SPAG16: variants seen among roughly 807,000 people sequenced by gnomAD.
SPAG16 encodes sperm associated antigen 16.
A neutral mutation model predicts 80.4 loss-of-function variants in SPAG16; 86 were observed. That is an observed-to-expected ratio of 1.07 (90% CI 0.90 to 1.28). SPAG16 has a LOEUF of 1.28. SPAG16 is among the 50% of genes most tolerant of loss of function. The pLI is 0.00. For missense variants in SPAG16, 870 were observed against 765.3 expected, an observed-to-expected ratio of 1.14 and a Z score of -1.61; for synonymous variants, 294 against 265.9, an observed-to-expected ratio of 1.11 and a Z score of -1.03.
Position 213,404,842 on chromosome 2 carries a change from A to AT in SPAG16, c.942+29723_942+29724insT, listed in dbSNP as rs1478195664. Reference sequence around the variant, plus strand: ...CTAAAGGTCATATTTGATTCTTTAAAATTTTTTTTTAATTATTGGTAGCTC... The same window carrying AT: ...CTAAAGGTCATATTTGATTCTTTAAATATTTTTTTTTAATTATTGGTAGCTC... On this transcript the variant is annotated intron_variant, in intron 9 of 15. Coordinates refer to ENST00000331683, the MANE Select transcript of SPAG16 (RefSeq NM_024532.5). Among the ~76,000 whole-genome samples, 246 of 149,200 alleles carry AT rather than the reference A, an allele frequency of 1.6e-3. 1 individual carries two copies. The highest frequency in any genetic ancestry group is 6.2e-3 in the African/African-American group (239 of 38,576).
intron 14 of SPAG16, among the ~76,000 whole-genome samples, chr2:214,136,758 G>A (rs1326227723): frequency 6.6e-6 from 1 of 152,116 alleles, no homozygotes; most frequent in Non-Finnish European, 1.5e-5. Context: ...AGAGTATTGA[G>A]GAAATGGTGT....
intron 9 of SPAG16, chr2:213,375,355 C>T: frequency 3.0e-6 from 1 of 333,932 alleles, no homozygotes; most frequent in Middle Eastern, 8.2e-4. Context: ...TGCCACCTAT[C>T]CCAACATAAT....
chr2:213,488,959 C>G (rs546113272), intron 9 of SPAG16, among the ~76,000 whole-genome samples: 2 of 151,482 alleles, frequency 1.3e-5, no homozygotes, highest in African/African-American at 4.8e-5. Flanking sequence ...CCTGTAGTCC[C>G]AGCTACGCAG....
At chr2:213,743,379 TAA>T (rs2067673096) in intron 10 of SPAG16, among the ~76,000 whole-genome samples, 1 of 152,218 alleles carries the variant, frequency 6.6e-6, no homozygotes, top group South Asian at 2.1e-4. Flanking sequence ...AATTTATTCT[TAA>T]GTGTCTTACA....
intron 13 of SPAG16, among the ~76,000 whole-genome samples, chr2:214,019,093 T>C (rs1405404040): frequency 6.6e-6 from 1 of 152,128 alleles, no homozygotes; most frequent in Non-Finnish European, 1.5e-5. Context: ...TTTATTAAAA[T>C]TGAAAGATAA....
chr2:213,735,200 A>C (rs1231773058), intron 10 of SPAG16, among the ~76,000 whole-genome samples: 1 of 152,190 alleles, frequency 6.6e-6, no homozygotes, highest in Non-Finnish European at 1.5e-5. Flanking sequence ...TCACCAAACT[A>C]AATATGTAGG....
intron 9 of SPAG16, among the ~76,000 whole-genome samples, chr2:213,427,475 C>T (rs1282768399): frequency 6.6e-6 from 1 of 152,048 alleles, no homozygotes; most frequent in Non-Finnish European, 1.5e-5. Context: ...ATTTGATACA[C>T]CTTGCCTGTA....
At chr2:213,791,635 T>G (rs1300781871) in intron 10 of SPAG16, among the ~76,000 whole-genome samples, 1 of 152,120 alleles carries the variant, frequency 6.6e-6, no homozygotes, top group African/African-American at 2.4e-5. Context: ...ATCCTAAACA[T>G]GAAAAATATT....
At chr2:213,772,524 C>T (rs2069312978) in intron 10 of SPAG16, among the ~76,000 whole-genome samples, 1 of 152,022 alleles carries the variant, frequency 6.6e-6, no homozygotes, top group Non-Finnish European at 1.5e-5. Context: ...TAGGTTCTTC[C>T]TCATTGAATT....
chr2:213,519,306 G>T (rs533097893), intron 10 of SPAG16, among the ~76,000 whole-genome samples: 75 of 152,194 alleles, frequency 4.9e-4, no homozygotes, highest in Non-Finnish European at 7.9e-4. Context: ...ATATGATTTG[G>T]CTTGGTGTCC....
At chr2:213,957,400 A>G (rs1008876717) in intron 12 of SPAG16, among the ~76,000 whole-genome samples, 4 of 151,656 alleles carry the variant, frequency 2.6e-5, no homozygotes, top group Non-Finnish European at 4.4e-5. Context: ...TTTTAAAATT[A>G]ATGTATATTT....
At chr2:213,288,678 GAGTA>G in intron 1 of SPAG16, among the ~76,000 whole-genome samples, 1 of 151,526 alleles carries the variant, frequency 6.6e-6, no homozygotes, top group Non-Finnish European at 1.5e-5. Flanking sequence ...CATTGTAGTT[GAGTA>G]AGTAAAACAT....
At chr2:213,451,263 T>G (rs949188258) in intron 9 of SPAG16, among the ~76,000 whole-genome samples, 1 of 152,220 alleles carries the variant, frequency 6.6e-6, no homozygotes, top group African/African-American at 2.4e-5. Context: ...AAAAGATCCT[T>G]TAATTCCAAT....
At chr2:213,827,092 G>T (rs1226537982) in intron 10 of SPAG16, among the ~76,000 whole-genome samples, 1 of 151,868 alleles carries the variant, frequency 6.6e-6, no homozygotes, top group Non-Finnish European at 1.5e-5. Context: ...TAGGTAAAGT[G>T]TGTTTCTTAT....
intron 12 of SPAG16, among the ~76,000 whole-genome samples, chr2:213,963,409 T>C (rs1373045629): frequency 1.3e-5 from 2 of 152,172 alleles, no homozygotes; most frequent in Non-Finnish European, 2.9e-5. Flanking sequence ...TTTCTACGAT[T>C]TCTACGATTT....
At chr2:213,509,663 A>T (rs964238460) in intron 10 of SPAG16, among the ~76,000 whole-genome samples, 3 of 152,224 alleles carry the variant, frequency 2.0e-5, no homozygotes, top group Non-Finnish European at 2.9e-5. Flanking sequence ...GACACATTCA[A>T]AGCAGTGTGT....
chr2:213,893,710 A>G (rs766787424), intron 11 of SPAG16, among the ~76,000 whole-genome samples: 10 of 152,012 alleles, frequency 6.6e-5, no homozygotes, highest in Non-Finnish European at 1.5e-4. Flanking sequence ...TATTTTTGTA[A>G]GACTCATGGT....
At chr2:214,289,359 T>C (rs1012372751) in intron 15 of SPAG16, among the ~76,000 whole-genome samples, 1 of 152,198 alleles carries the variant, frequency 6.6e-6, no homozygotes, top group Admixed American at 6.6e-5. Flanking sequence ...CTAGTATTTT[T>C]ACAGTTCCAG....
intron 15 of SPAG16, among the ~76,000 whole-genome samples, chr2:214,295,037 G>A (rs4673817): frequency 0.36 from 55,338 of 152,046 alleles, 10,403 homozygotes; most frequent in East Asian, 0.56. Flanking sequence ...TCTGTCTAGG[G>A]TCTGGGGAAT....
Sources: allele counts gnomAD v4.1 joint callset (sites outside exome capture counted in the v4.1 genomes callset), GRCh38; gene constraint gnomAD v4.1.1; transcripts MANE v1.5; gene names NCBI Gene and HGNC (gene_info 2026-07-23, HGNC 2026-07-21).